The following GALNTL6 variants were observed in gnomAD, a reference collection of about 807,000 sequenced individuals.
GALNTL6 encodes polypeptide N-acetylgalactosaminyltransferase like 6, also known as polypeptide N-acetylgalactosaminyltransferase-like 6.
A neutral mutation model predicts 73.7 loss-of-function variants in GALNTL6; 46 were observed. That is an observed-to-expected ratio of 0.62 (90% CI 0.49 to 0.80). The LOEUF is 0.80. Among genes scored for constraint, GALNTL6 ranks in the 30% least tolerant of loss-of-function variants. The pLI is 0.00. For synonymous variants in GALNTL6, 259 were observed against 263.7 expected, an observed-to-expected ratio of 0.98 and a Z score of 0.17; for missense variants, 604 against 755.0, an observed-to-expected ratio of 0.80 and a Z score of 2.34.
At chr4:172,583,343 A>G (rs1737269577) in intron 5 of GALNTL6, among the ~76,000 whole-genome samples, 1 of 152,216 alleles carries the variant, frequency 6.6e-6, no homozygotes, top group South Asian at 2.1e-4. Context: ...TCCCTTTGTT[A>G]ACAGAGGTAT....
chr4:172,999,060 T>G (rs1308766754), intron 10 of GALNTL6, among the ~76,000 whole-genome samples: 1 of 150,044 alleles, frequency 6.7e-6, no homozygotes, highest in East Asian at 2.0e-4. Context: ...AAGCAGCAAC[T>G]CCAAAAAACA....
chr4:171,998,935 A>T (rs1740584557), intron 2 of GALNTL6, among the ~76,000 whole-genome samples: 1 of 152,134 alleles, frequency 6.6e-6, no homozygotes, highest in Non-Finnish European at 1.5e-5. Flanking sequence ...TTGTCCTAGG[A>T]CTGGTTCCTG....
intron 2 of GALNTL6, among the ~76,000 whole-genome samples, chr4:171,838,719 C>T (rs759988468): frequency 6.6e-6 from 1 of 152,060 alleles, no homozygotes; most frequent in African/African-American, 2.4e-5. Context: ...AAGTGCTGGT[C>T]CAGGTTTGAA....
chr4:171,917,254 A>G (rs1445397848), intron 2 of GALNTL6, among the ~76,000 whole-genome samples: 1 of 151,844 alleles, frequency 6.6e-6, no homozygotes. Context: ...TCCCAAAACC[A>G]CAGTGTGGGG....
chr4:172,400,654 G>T (rs762891170), intron 5 of GALNTL6, among the ~76,000 whole-genome samples: 1 of 152,074 alleles, frequency 6.6e-6, no homozygotes, highest in Non-Finnish European at 1.5e-5. Context: ...AGGAGCAGGA[G>T]AAGTGAAGTC....
At chr4:172,599,626 T>G (rs1737982623) in intron 5 of GALNTL6, among the ~76,000 whole-genome samples, 1 of 152,168 alleles carries the variant, frequency 6.6e-6, no homozygotes, top group Non-Finnish European at 1.5e-5. Flanking sequence ...AAGTAAAATT[T>G]GCTATAACTC....
At chr4:172,182,495 T>C (rs577489529) in intron 2 of GALNTL6, among the ~76,000 whole-genome samples, 1 of 150,802 alleles carries the variant, frequency 6.6e-6, no homozygotes, top group African/African-American at 2.4e-5. Context: ...TGGGATATAT[T>C]TAAATAAATA....
intron 2 of GALNTL6, among the ~76,000 whole-genome samples, chr4:172,059,222 T>A (rs542909587): frequency 6.6e-6 from 1 of 152,290 alleles, no homozygotes; most frequent in African/African-American, 2.4e-5. Flanking sequence ...AAGCTGTTTA[T>A]TCTGATTCAG....
At chr4:172,163,996 C>T (rs1579201247) in intron 2 of GALNTL6, among the ~76,000 whole-genome samples, 3 of 151,814 alleles carry the variant, frequency 2.0e-5, no homozygotes, top group Admixed American at 2.0e-4. Flanking sequence ...AAATTGAGTA[C>T]AGAATTTAAC....
intron 3 of GALNTL6, among the ~76,000 whole-genome samples, chr4:172,288,382 C>T (rs775518239): frequency 4.6e-5 from 7 of 152,118 alleles, no homozygotes; most frequent in African/African-American, 7.2e-5. Flanking sequence ...TGAGCCACAG[C>T]GCCTGGCCGA....
At chr4:172,863,844 T>A (rs1372561085) in intron 7 of GALNTL6, among the ~76,000 whole-genome samples, 1 of 152,208 alleles carries the variant, frequency 6.6e-6, no homozygotes, top group African/African-American at 2.4e-5. Flanking sequence ...GGTTTGGCTG[T>A]GTCCCCACCC....
intron 10 of GALNTL6, among the ~76,000 whole-genome samples, chr4:172,963,988 A>C (rs1348846609): frequency 6.6e-6 from 1 of 152,180 alleles, no homozygotes; most frequent in Non-Finnish European, 1.5e-5. Flanking sequence ...ATCCTCTGGT[A>C]GGCAAGGAGA....
rs540974407 is a variant in GALNTL6 at position 172,141,176 on chromosome 4, C to T, written c.139-88480C>T. Among the ~76,000 whole-genome samples the T allele has an allele frequency of 1.1e-4, 16 of 152,100 alleles. No individual in the cohort carries two copies. In the South Asian group the frequency reaches 3.1e-3, roughly 30 times the overall value. On this transcript the variant is annotated intron_variant, in intron 2 of 12. Coordinates refer to ENST00000506823, the MANE Select transcript of GALNTL6 (RefSeq NM_001034845.3). ...ATGGATGGAAATCCTAGAGAGAGAG[C>T]AGAAAAGCTTTTTCAGTGTGCTGGA...
chr4:171,851,844 A>C (rs1254525055), intron 2 of GALNTL6, among the ~76,000 whole-genome samples: 2 of 152,188 alleles, frequency 1.3e-5, no homozygotes, highest in African/African-American at 4.8e-5. Context: ...ATTTCAAAAG[A>C]GCTTACTGCC....
intron 5 of GALNTL6, among the ~76,000 whole-genome samples, chr4:172,798,879 T>G (rs867847339): frequency 5.3e-5 from 8 of 152,248 alleles, no homozygotes; most frequent in Non-Finnish European, 1.0e-4. Context: ...TTTATCATTT[T>G]TCTTTGTTAA....
At position 172,683,784 on chromosome 4, in the gene GALNTL6, G is replaced by C. The variant is rs554832593; in HGVS notation, c.554-125577G>C. On this transcript the variant is annotated intron_variant, in intron 5 of 12. Coordinates refer to ENST00000506823, the MANE Select transcript of GALNTL6 (RefSeq NM_001034845.3). ...AGATACTATTCACAACTAAGCAGAC[G>C]GAGTTATTTTTCCCAAAATAATATC... is the stretch of plus-strand genomic sequence containing the variant. 2.0e-5 allele frequency among the ~76,000 whole-genome samples: 3 copies of C among 152,192 alleles called. No homozygotes were observed. In the South Asian group the frequency reaches 6.2e-4, roughly 32 times the overall value.
intron 5 of GALNTL6, among the ~76,000 whole-genome samples, chr4:172,551,000 ACTT>A (rs1159550016): frequency 6.6e-6 from 1 of 152,172 alleles, no homozygotes; most frequent in African/African-American, 2.4e-5. Context: ...AGGGTTGAGA[ACTT>A]CTTATTGGGC....
intron 10 of GALNTL6, among the ~76,000 whole-genome samples, chr4:172,960,026 T>C (rs1749960109): frequency 6.6e-6 from 1 of 152,220 alleles, no homozygotes. Flanking sequence ...GTTAATTAAG[T>C]CCTGTTGTGG....
rs942420623 is a variant in GALNTL6 at position 172,519,097 on chromosome 4, T to C, written c.553+170408T>C. 1.2e-3 allele frequency among the ~76,000 whole-genome samples: 186 copies of C among 149,072 alleles called. 2 individuals carry two copies. Among genetic ancestry groups the C allele is most frequent in the Middle Eastern group, 3.5e-3 (1 of 284 alleles). On this transcript the variant is annotated intron_variant, in intron 5 of 12. Transcript: ENST00000506823. ...ATGTATTTTAGAACTTATATGTATA[T>C]ACACACACACACACACATACACCCA...
Sources: allele counts gnomAD v4.1 joint callset (sites outside exome capture counted in the v4.1 genomes callset), GRCh38; gene constraint gnomAD v4.1.1; transcripts MANE v1.5; gene names NCBI Gene and HGNC (gene_info 2026-07-23, HGNC 2026-07-21).